The following STXBP5L variants were observed in gnomAD, a reference collection of about 807,000 sequenced individuals.
STXBP5L encodes the protein syntaxin binding protein 5L.
A neutral mutation model predicts 144.5 loss-of-function variants in STXBP5L; 65 were observed. The observed-to-expected ratio is 0.45, with a 90% CI of 0.37 to 0.55. The LOEUF (loss-of-function observed/expected upper bound fraction) is 0.55, where lower values mean the gene tolerates loss of function less well. Among genes scored for constraint, STXBP5L ranks in the 20% least tolerant of loss-of-function variants. The pLI is 0.00. For synonymous variants in STXBP5L, 505 were observed against 469.6 expected (o/e 1.08, Z -0.97); for missense variants, 1,298 against 1,405.5 (o/e 0.92, Z 1.22).
At chr3:121,348,564 T>A (rs1187984189) in intron 20 of STXBP5L, among the ~76,000 whole-genome samples, 1 of 152,128 alleles carries the variant, frequency 6.6e-6, no homozygotes, top group African/African-American at 2.4e-5. Context: ...CTGGTAGAAT[T>A]CAGCTGTGAA....
At chr3:120,915,674 G>A (rs944795152) in intron 2 of STXBP5L, among the ~76,000 whole-genome samples, 7 of 151,902 alleles carry the variant, frequency 4.6e-5, no homozygotes, top group East Asian at 1.9e-4. Context: ...ATATACTAGC[G>A]TTTTTATTTA....
At chr3:121,359,645 A>T (rs1021314099) in intron 20 of STXBP5L, among the ~76,000 whole-genome samples, 1 of 151,942 alleles carries the variant, frequency 6.6e-6, no homozygotes, top group East Asian at 1.9e-4. Flanking sequence ...GTAGAGGTCT[A>T]TTTTCATTGT....
intron 9 of STXBP5L, among the ~76,000 whole-genome samples, chr3:121,182,779 CA>C (rs1430714618): frequency 6.6e-6 from 1 of 152,108 alleles, no homozygotes; most frequent in Admixed American, 6.5e-5. Flanking sequence ...CAAGAGAGAG[CA>C]TCCAAACAAG....
At chr3:121,068,496 G>A (rs1213104948) in intron 5 of STXBP5L, among the ~76,000 whole-genome samples, 1 of 151,172 alleles carries the variant, frequency 6.6e-6, no homozygotes, top group Non-Finnish European at 1.5e-5. Flanking sequence ...GCTTTTTGAG[G>A]GATTATCTTT....
intron 9 of STXBP5L, among the ~76,000 whole-genome samples, chr3:121,195,457 G>T (rs761086427): frequency 6.6e-6 from 1 of 151,772 alleles, no homozygotes; most frequent in Non-Finnish European, 1.5e-5. Context: ...CTTCACCCTC[G>T]CAACCACCAT....
At chr3:121,266,146 G>C (rs1219758460) in intron 18 of STXBP5L, among the ~76,000 whole-genome samples, 1 of 152,112 alleles carries the variant, frequency 6.6e-6, no homozygotes, top group Non-Finnish European at 1.5e-5. Flanking sequence ...GCATCACCCT[G>C]ATACCAAAAC....
intron 5 of STXBP5L, among the ~76,000 whole-genome samples, chr3:121,059,338 G>A (rs572559063): frequency 1.3e-5 from 2 of 152,282 alleles, no homozygotes; most frequent in South Asian, 2.1e-4. Context: ...CTGTATATCT[G>A]TTTTGTTACC....
chr3:120,980,862 G>T (rs757986434), intron 3 of STXBP5L, among the ~76,000 whole-genome samples: 2 of 152,074 alleles, frequency 1.3e-5, no homozygotes, highest in Non-Finnish European at 2.9e-5. Flanking sequence ...TCCACGTTTT[G>T]AACTCCATTG....
intron 2 of STXBP5L, among the ~76,000 whole-genome samples, chr3:120,917,521 G>A (rs1709162772): frequency 6.6e-6 from 1 of 152,074 alleles, no homozygotes; most frequent in African/African-American, 2.4e-5. Flanking sequence ...GGGAATAGAG[G>A]TAAGATTTGC....
chr3:121,422,532 TGGAG>T lies in STXBP5L; in HGVS notation c.*3441_*3444del, dbSNP rs763000464. 1 of 152,180 alleles carries T rather than the reference TGGAG, an allele frequency of 6.6e-6. No individual in the cohort carries two copies. The highest frequency in any genetic ancestry group is 1.9e-4 in the East Asian group (1 of 5,194). 9.4% of individuals were successfully genotyped at this position (152,180 alleles called of 1,614,324 possible). A position where few individuals can be genotyped will look rare whatever the true frequency, so the allele number is the denominator to read the frequency against. Reference sequence around the variant, plus strand: ...GAAATCATCCATTAGTCTTGGAGTTTGGAGGGAGGAATGATTGATTCCTCATTTG... The same window carrying T: ...GAAATCATCCATTAGTCTTGGAGTTTGGAGGAATGATTGATTCCTCATTTG... On this transcript the variant is annotated 3_prime_UTR_variant, in exon 27 of 27. Coordinates refer to ENST00000471454, the MANE Select transcript of STXBP5L (RefSeq NM_001308330.2).
chr3:121,091,438 C>A (rs76035857), intron 5 of STXBP5L, among the ~76,000 whole-genome samples: 12 of 151,794 alleles, frequency 7.9e-5, no homozygotes, highest in African/African-American at 2.9e-4. Flanking sequence ...TCTCCAGCAC[C>A]TGTTGTTCCC....
intron 3 of STXBP5L, among the ~76,000 whole-genome samples, chr3:121,004,474 T>C (rs1944088178): frequency 1.3e-5 from 2 of 151,834 alleles, no homozygotes; most frequent in African/African-American, 4.8e-5. Flanking sequence ...GTTTTCTAGA[T>C]ATACAATCAT....
At chr3:121,093,488 G>T (rs529258745) in intron 5 of STXBP5L, among the ~76,000 whole-genome samples, 1 of 152,040 alleles carries the variant, frequency 6.6e-6, no homozygotes, top group Non-Finnish European at 1.5e-5. Flanking sequence ...ACTTCTTCCT[G>T]GTTTAGTCTT....
At chr3:121,095,482 T>C (rs2043069220) in intron 5 of STXBP5L, among the ~76,000 whole-genome samples, 1 of 152,190 alleles carries the variant, frequency 6.6e-6, no homozygotes, top group Non-Finnish European at 1.5e-5. Context: ...GCTTTGTTCA[T>C]TTCTTTTTAC....
At chr3:120,928,688 A>G (rs1709768242) in intron 2 of STXBP5L, among the ~76,000 whole-genome samples, 1 of 151,214 alleles carries the variant, frequency 6.6e-6, no homozygotes, top group Non-Finnish European at 1.5e-5. Flanking sequence ...CTTATACAAC[A>G]CAATGTGTTA....
At chr3:121,118,134 T>C (rs1030052473) in intron 6 of STXBP5L, among the ~76,000 whole-genome samples, 2 of 151,666 alleles carry the variant, frequency 1.3e-5, no homozygotes, top group Non-Finnish European at 3.0e-5. Flanking sequence ...TAGAAACAAC[T>C]ATGAACAGAG....
intron 3 of STXBP5L, among the ~76,000 whole-genome samples, chr3:121,027,541 G>A (rs1399734564): frequency 6.6e-6 from 1 of 152,026 alleles, no homozygotes; most frequent in African/African-American, 2.4e-5. Context: ...GGCTGCCTTT[G>A]TTCTTTGGCT....
At chr3:121,221,221 A>G (rs890173518) in intron 10 of STXBP5L, among the ~76,000 whole-genome samples, 1 of 151,964 alleles carries the variant, frequency 6.6e-6, no homozygotes, top group Non-Finnish European at 1.5e-5. Flanking sequence ...AGAAATGCAT[A>G]TATATTAACA....
intron 10 of STXBP5L, among the ~76,000 whole-genome samples, chr3:121,208,354 G>C (rs1408778086): frequency 3.3e-5 from 5 of 151,188 alleles, no homozygotes; most frequent in Non-Finnish European, 7.4e-5. Flanking sequence ...GAGGGGGGAA[G>C]GATAGTATTA....
Sources: allele counts gnomAD v4.1 joint callset (sites outside exome capture counted in the v4.1 genomes callset), GRCh38; gene constraint gnomAD v4.1.1; transcripts MANE v1.5; gene names NCBI Gene and HGNC (gene_info 2026-07-23, HGNC 2026-07-21).